KLHL2: variants seen among roughly 807,000 people sequenced by gnomAD.
KLHL2 encodes kelch-like protein 2.
A neutral mutation model predicts 75.8 loss-of-function variants in KLHL2; 15 were observed. The ratio of observed to expected loss-of-function variants is 0.20; its 90% CI spans 0.13 to 0.30. KLHL2 has a LOEUF of 0.30. Ranked by LOEUF, KLHL2 falls within the 10% of genes least tolerant of loss-of-function variation. The pLI is 1.00. For missense variants in KLHL2, 381 were observed against 741.0 expected, an observed-to-expected ratio of 0.51 and a Z score of 5.64; for synonymous variants, 214 against 251.9, an observed-to-expected ratio of 0.85 and a Z score of 1.42.
intron 1 of KLHL2, chr4:165,219,647 T>C: frequency 8.8e-7 from 1 of 1,135,570 alleles, no homozygotes; most frequent in Non-Finnish European, 1.1e-6. Flanking sequence ...TCAACAGTTT[T>C]ATTTGGAGAT....
In KLHL2 at chr4:165,211,990, A is replaced by G. The variant is rs147268319; in HGVS notation, c.26+4088A>G. Reference sequence around the variant, plus strand: ...TACACTAGTAGTGCTTATGAAGACCACTGAACTTCTTTCTTAAGATCAGGC... The same window carrying G: ...TACACTAGTAGTGCTTATGAAGACCGCTGAACTTCTTTCTTAAGATCAGGC... On this transcript the variant is annotated intron_variant, in intron 1 of 14. Transcript: ENST00000226725. Among the ~76,000 whole-genome samples the G allele has an allele frequency of 2.7e-3, 415 of 152,320 alleles. 1 individual carries two copies. The highest frequency in any genetic ancestry group is 9.6e-3 in the African/African-American group (399 of 41,574).
At chr4:165,293,670 ATTT>A (rs35736944) in intron 5 of KLHL2, among the ~76,000 whole-genome samples, 1 of 125,986 alleles carries the variant, frequency 7.9e-6, no homozygotes. Context: ...TGCCTGGCTA[ATTT>A]TTTTTTTTTT....
At chr4:165,216,174 G>A (rs1737526963) in intron 1 of KLHL2, among the ~76,000 whole-genome samples, 1 of 152,130 alleles carries the variant, frequency 6.6e-6, no homozygotes. Context: ...TTTTCTTCCT[G>A]TCTGAGAATT....
intron 12 of KLHL2, 37 bp downstream of exon 12, chr4:165,313,403 A>T: frequency 2.8e-6 from 4 of 1,410,164 alleles, no homozygotes; most frequent in Non-Finnish European, 3.7e-6. Flanking sequence ...GAAGCACAAA[A>T]ATGATGGAAA....
chr4:165,225,882 A>G (rs958364278), intron 2 of KLHL2, among the ~76,000 whole-genome samples: 1 of 152,224 alleles, frequency 6.6e-6, no homozygotes, highest in African/African-American at 2.4e-5. Flanking sequence ...ATGTGGCTGC[A>G]TAATATTTTA....
intron 2 of KLHL2, among the ~76,000 whole-genome samples, chr4:165,221,983 A>G (rs1036171026): frequency 2.6e-5 from 4 of 151,982 alleles, no homozygotes; most frequent in Admixed American, 1.3e-4. Flanking sequence ...TCTCTTTGAG[A>G]AGTCTAAAAA....
chr4:165,211,657 G>A (rs1273256469), intron 1 of KLHL2, among the ~76,000 whole-genome samples: 5 of 152,170 alleles, frequency 3.3e-5, no homozygotes, highest in African/African-American at 1.2e-4. Context: ...ATATTTAGGA[G>A]TAATAATGGC....
At chr4:165,211,519 C>T (rs899593526) in intron 1 of KLHL2, among the ~76,000 whole-genome samples, 1 of 152,152 alleles carries the variant, frequency 6.6e-6, no homozygotes, top group African/African-American at 2.4e-5. Flanking sequence ...CTACAGGATA[C>T]CCAGTATTCA....
intron 5 of KLHL2, among the ~76,000 whole-genome samples, chr4:165,264,214 C>T (rs1406037300): frequency 6.6e-6 from 1 of 151,634 alleles, no homozygotes; most frequent in Non-Finnish European, 1.5e-5. Context: ...TTAATGATTA[C>T]ATCCTTTTTT....
At chr4:165,226,522 T>C (rs1283203812) in intron 2 of KLHL2, among the ~76,000 whole-genome samples, 1 of 152,154 alleles carries the variant, frequency 6.6e-6, no homozygotes, top group Non-Finnish European at 1.5e-5. Flanking sequence ...TGCTTTCCAC[T>C]TTATCCTATA....
At chr4:165,222,788 G>A (rs1738106807) in intron 2 of KLHL2, among the ~76,000 whole-genome samples, 1 of 152,192 alleles carries the variant, frequency 6.6e-6, no homozygotes. Flanking sequence ...GGGTAGCTGA[G>A]AGTGGTTTCC....
At chr4:165,296,318 T>C (rs972039752) in intron 6 of KLHL2, among the ~76,000 whole-genome samples, 3 of 152,228 alleles carry the variant, frequency 2.0e-5, no homozygotes, top group African/African-American at 7.2e-5. Flanking sequence ...CTTTCTTCTC[T>C]GTAACTTGCA....
chr4:165,277,314 C>T (rs1743205692), intron 5 of KLHL2, among the ~76,000 whole-genome samples: 1 of 152,038 alleles, frequency 6.6e-6, no homozygotes, highest in Admixed American at 6.5e-5. Context: ...AAGATCTAGA[C>T]AGAAAGTCAT....
At chr4:165,265,765 T>C (rs982493709) in intron 5 of KLHL2, among the ~76,000 whole-genome samples, 4 of 152,168 alleles carry the variant, frequency 2.6e-5, no homozygotes, top group Non-Finnish European at 5.9e-5. Context: ...CTATTGTGAA[T>C]AGTGTCGCAA....
chr4:165,224,625 T>C (rs551131996), intron 2 of KLHL2, among the ~76,000 whole-genome samples: 1 of 152,356 alleles, frequency 6.6e-6, no homozygotes, highest in African/African-American at 2.4e-5. Context: ...TAAAAACATT[T>C]GATTTGTGGC....
At chr4:165,255,456 T>C (rs943032800) in intron 4 of KLHL2, among the ~76,000 whole-genome samples, 13 of 151,982 alleles carry the variant, frequency 8.6e-5, no homozygotes, top group African/African-American at 2.7e-4. Context: ...GGTGGAGTGT[T>C]GGGAGGAGGC....
chr4:165,278,499 G>T (rs932038033), intron 5 of KLHL2: 1 of 1,598,404 alleles, frequency 6.3e-7, no homozygotes, highest in African/African-American at 1.3e-5. Flanking sequence ...AATTGAGTGA[G>T]TCCACAGATT....
intron 1 of KLHL2, among the ~76,000 whole-genome samples, chr4:165,218,232 C>T (rs1314817102): frequency 6.6e-6 from 1 of 152,078 alleles, no homozygotes; most frequent in African/African-American, 2.4e-5. Flanking sequence ...CGGATTGTAT[C>T]ACTCTTTTGC....
chr4:165,212,717 ACT>A (rs1197021951), intron 1 of KLHL2, among the ~76,000 whole-genome samples: 2 of 152,152 alleles, frequency 1.3e-5, no homozygotes, highest in Non-Finnish European at 2.9e-5. Context: ...AGTTTAAGTT[ACT>A]CTCTCAAGCT....
Sources: allele counts gnomAD v4.1 joint callset (sites outside exome capture counted in the v4.1 genomes callset), GRCh38; gene constraint gnomAD v4.1.1; transcripts MANE v1.5; gene names NCBI Gene and HGNC (gene_info 2026-07-23, HGNC 2026-07-21).